The following SPG7 variants were observed in gnomAD, a reference collection of about 807,000 sequenced individuals.
SPG7 encodes the protein mitochondrial inner membrane m-AAA protease component paraplegin.
Under a neutral mutation model 81.9 loss-of-function variants are expected in SPG7, and 103 were observed. The observed-to-expected ratio is 1.26, with a 90% CI of 1.07 to 1.48. The LOEUF (loss-of-function observed/expected upper bound fraction) is 1.48, where lower values mean the gene tolerates loss of function less well. Ranked by LOEUF, SPG7 falls within the 40% of genes most tolerant of loss-of-function variation. SPG7 has a pLI of 0.00. For synonymous variants in SPG7, 534 were observed against 444.2 expected (o/e 1.20, Z -2.54); for missense variants, 1,241 against 1,087.3 (o/e 1.14, Z -1.99).
chr16:89,537,820 G>A (rs921836768), intron 9 of SPG7: 1 of 967,808 alleles, frequency 1.0e-6, no homozygotes, highest in East Asian at 1.1e-4. Context: ...CCTGGTCCCA[G>A]TGTGACCCGG....
chr16:89,546,946 G>C (rs952248963), intron 11 of SPG7, 186 bp downstream of exon 11: 1 of 609,762 alleles, frequency 1.6e-6, no homozygotes, highest in Non-Finnish European at 3.0e-6. Flanking sequence ...GACGGCACCC[G>C]CACTCCGTCC....
intron 7 of SPG7, chr16:89,531,383 T>A (rs2058340676): frequency 5.5e-6 from 1 of 182,760 alleles, no homozygotes; most frequent in South Asian, 1.0e-4. Context: ...TTAATTAATT[T>A]TTTTTTTCGA....
chr16:89,550,545 C>A lies in SPG7; in HGVS notation c.1715C>A (p.Ala572Glu). The change falls in exon 13 of 17, where the codon GCG becomes GAG. Residue 572 changes from alanine to glutamate, a missense_variant. Ala to Glu is a moderately radical substitution (Grantham distance 107). Transcript: ENST00000645818. ...TCCAAGGAAGAACAGAAAGTGGTTG[C>A]GTTTCATGAGTCGGGCCACGCCTTG... Reference protein sequence around the residue: ...ILSKEEQKVVAFHESGHALVG... With the variant: ...ILSKEEQKVVEFHESGHALVG... 6.2e-7 allele frequency: 1 copy of A among 1,613,970 alleles called. No homozygotes were observed. The highest frequency in any genetic ancestry group is 8.5e-7 in the Non-Finnish European group (1 of 1,179,984).
intron 2 of SPG7, among the ~76,000 whole-genome samples, chr16:89,511,908 TG>T (rs1475687461): frequency 1.7e-5 from 2 of 118,560 alleles, no homozygotes; most frequent in African/African-American, 2.9e-5. Context: ...TTGTTGTTGT[TG>T]TTGTTTATTA....
chr16:89,519,711 T>G (rs148397514), intron 3 of SPG7: 1 of 152,348 alleles, frequency 6.6e-6, no homozygotes, highest in East Asian at 1.9e-4. Context: ...CACAGCTTCT[T>G]GTGGAGAAGG....
chr16:89,534,153 C>T (rs2058381971), intron 9 of SPG7, among the ~76,000 whole-genome samples: 1 of 152,236 alleles, frequency 6.6e-6, no homozygotes, highest in African/African-American at 2.4e-5. Flanking sequence ...TGTCCCCATT[C>T]AACCCTCCCC....
intron 3 of SPG7, chr16:89,514,297 G>T (rs1244301439): frequency 1.5e-5 from 2 of 129,348 alleles, no homozygotes; most frequent in South Asian, 2.5e-4. Context: ...TCAATAAAGT[G>T]TGTCCTTTGA....
At chr16:89,515,514 A>C (rs1478210448) in intron 3 of SPG7, among the ~76,000 whole-genome samples, 1 of 143,106 alleles carries the variant, frequency 7.0e-6, no homozygotes, top group Non-Finnish European at 1.5e-5. Context: ...TGATCTCCCC[A>C]CTTCGGCCTC....
chr16:89,524,859 A>C (rs535738747), intron 4 of SPG7, among the ~76,000 whole-genome samples: 73 of 149,776 alleles, frequency 4.9e-4, no homozygotes, highest in African/African-American at 1.6e-3. Context: ...GGTGTGGCCC[A>C]CCCCCGGGTC....
Position 89,526,309 on chromosome 16 carries a change from C to G in SPG7, c.619-20C>G, listed in dbSNP as rs1597624090. 8.7e-6 allele frequency: 14 copies of G among 1,613,842 alleles called. No individual in the cohort carries two copies. The highest frequency in any genetic ancestry group is 1.2e-5 in the Non-Finnish European group (14 of 1,179,898). ...CTGTCCCTGCGTTTCTCATGGTCCC[C>G]TCTCCTTTCTGCCCCCCAGCGGCTA... On this transcript the variant is annotated intron_variant, in intron 4 of 16. Coordinates refer to ENST00000645818, the MANE Select transcript of SPG7 (RefSeq NM_003119.4).
rs3935626 is a variant in SPG7, at chr16:89,526,282, G to C, written c.619-47G>C. The stretch of plus-strand genomic sequence containing the variant: ...CTCTCTGTTGACTGTAGGGTTGCTC[G>C]TCTGTCCCTGCGTTTCTCATGGTCC... On this transcript the variant is annotated intron_variant, in intron 4 of 16. Coordinates refer to ENST00000645818, the MANE Select transcript of SPG7 (RefSeq NM_003119.4). 697 of 1,611,768 alleles carry C rather than the reference G, an allele frequency of 4.3e-4. 1 individual carries two copies. The highest frequency in any genetic ancestry group is 5.8e-4 in the Non-Finnish European group (680 of 1,179,170).
intron 3 of SPG7, among the ~76,000 whole-genome samples, chr16:89,513,831 G>A (rs1326509560): frequency 6.6e-6 from 1 of 152,244 alleles, no homozygotes; most frequent in Non-Finnish European, 1.5e-5. Flanking sequence ...AGGCGAGTGA[G>A]GAACTGTCAT....
intron 2 of SPG7, among the ~76,000 whole-genome samples, chr16:89,511,268 T>C (rs2058018204): frequency 6.6e-6 from 1 of 152,230 alleles, no homozygotes; most frequent in Non-Finnish European, 1.5e-5. Flanking sequence ...AGATGTTTTA[T>C]ATCCACACAA....
At chr16:89,532,096 G>A in intron 8 of SPG7, 30 bp downstream of exon 8, 1 of 1,607,994 alleles carries the variant, frequency 6.2e-7, no homozygotes, top group Admixed American at 1.7e-5. Context: ...GCTGTGGGTG[G>A]GCTTGGCTGA....
chr16:89,540,645 A>G (rs1370307793), intron 9 of SPG7: 1 of 154,224 alleles, frequency 6.5e-6, no homozygotes, highest in East Asian at 1.9e-4. Context: ...GGATGCAAAG[A>G]AACCAGATCC....
At chr16:89,543,628 G>C (rs568611773) in intron 9 of SPG7, 1 of 147,898 alleles carries the variant, frequency 6.8e-6, no homozygotes, top group South Asian at 2.2e-4. Flanking sequence ...GTGAGCCACC[G>C]CATCTGGCCA....
Position 89,509,918 on chromosome 16 carries a change from T to G in SPG7, c.184-572T>G, listed in dbSNP as rs2057990488. Among the ~76,000 whole-genome samples, 3 of 150,914 alleles carry G rather than the reference T, an allele frequency of 2.0e-5. No individual in the cohort carries two copies. The Admixed American group carries it at 2.0e-4, about 10-fold the overall frequency. On this transcript the variant is annotated intron_variant, in intron 1 of 16. Transcript: ENST00000645818. ...ATCCTCCCACCTCAGCCTCCCAAAG[T>G]GCTGGGATTACAGACATGAGCCACC...
Position 89,544,687 on chromosome 16 carries a change from C to G in SPG7, c.1364C>G (p.Thr455Arg). The change falls in exon 10 of 17, where the codon ACG (threonine) becomes AGG (arginine). Residue 455 changes from threonine to arginine, a missense_variant. Physicochemically the swap from Thr to Arg is moderately conservative, Grantham distance 71 (BLOSUM62 -1). Coordinates refer to ENST00000645818, the MANE Select transcript of SPG7 (RefSeq NM_003119.4). ...GACCATGTCATCGTCCTGGCGTCCACGAACCGAGCTGACATTTTGGACGGT... is the reference window on the plus strand; with the variant it reads ...GACCATGTCATCGTCCTGGCGTCCAGGAACCGAGCTGACATTTTGGACGGT... ...TTDHVIVLAS[T>R]NRADILDGAL... is the part of the protein sequence containing the mutation. 6.2e-7 allele frequency: 1 copy of G among 1,614,068 alleles called. No homozygotes were observed. Among genetic ancestry groups the G allele is most frequent in the South Asian group, 1.1e-5 (1 of 91,076 alleles).
chr16:89,524,328 G>A (rs1371512122), intron 4 of SPG7, 81 bp downstream of exon 4: 18 of 1,492,264 alleles, frequency 1.2e-5, no homozygotes, highest in Non-Finnish European at 1.6e-5. Context: ...GTGGGCTCCT[G>A]TGAATGAGGG....
Sources: gnomAD v4.1 joint callset for allele counts (sites outside exome capture counted in the v4.1 genomes callset) on GRCh38, gnomAD v4.1.1 for gene constraint, MANE v1.5 for transcripts, NCBI Gene and HGNC (gene_info 2026-07-23, HGNC 2026-07-21) for gene names.